Variants in NLRP4 observed in about 807,000 individuals in gnomAD.
NLRP4 encodes the protein NLR family pyrin domain containing 4.
A neutral mutation model predicts 84.7 loss-of-function variants in NLRP4; 44 were observed. The ratio of observed to expected loss-of-function variants is 0.52; its 90% confidence interval spans 0.41 to 0.67. The LOEUF is 0.67. Among genes scored for constraint, NLRP4 ranks in the 30% least tolerant of loss-of-function variants. The pLI is 0.00. For missense variants in NLRP4, 1,260 were observed against 1,219.4 expected (o/e 1.03, Z -0.50); for synonymous variants, 544 against 476.4 (o/e 1.14, Z -1.85).
At chr19:55,881,278 T>C (rs1046641520) in intron 9 of NLRP4, among the ~76,000 whole-genome samples, 192 bp from the exon 10 acceptor site, 4 of 152,136 alleles carry the variant, frequency 2.6e-5, no homozygotes, top group African/African-American at 9.7e-5. Flanking sequence ...ATTGGGACTT[T>C]ATTTATTTTC....
intron 3 of NLRP4, among the ~76,000 whole-genome samples, chr19:55,860,001 T>TTC (rs1555809162): frequency 6.7e-6 from 1 of 148,970 alleles, no homozygotes; most frequent in Non-Finnish European, 1.5e-5. Flanking sequence ...TTTTTTTTTT[T>TTC]CTGAAATGGA....
At chr19:55,862,731 G>C (rs1031510553) in intron 5 of NLRP4, among the ~76,000 whole-genome samples, 10 of 150,840 alleles carry the variant, frequency 6.6e-5, no homozygotes, top group African/African-American at 2.2e-4. Context: ...AGACTATAGC[G>C]TAAGTCTCTG....
rs538756708 is a variant in NLRP4, at chr19:55,836,555, G to T, written c.-445G>T. On this transcript the variant is annotated 5_prime_UTR_variant, in exon 1 of 10. Transcript: ENST00000301295. ...GCCAATCATTAAGGACCAGGAAGGC[G>T]TGGAGCGGTGAGTCAGCGCTTCGTG... 1 of 152,484 alleles carries T rather than the reference G, an allele frequency of 6.6e-6. No individual in the cohort carries two copies. Among genetic ancestry groups the T allele is most frequent in the South Asian group, 2.1e-4 (1 of 4,826 alleles). 9.4% of individuals were successfully genotyped at this position (152,484 alleles called of 1,614,324 possible).
chr19:55,877,961 G>T (rs1600244742), intron 8 of NLRP4, among the ~76,000 whole-genome samples: 1 of 152,138 alleles, frequency 6.6e-6, no homozygotes. Flanking sequence ...AGCATCTCAG[G>T]AGTTCAAGAG....
intron 5 of NLRP4, among the ~76,000 whole-genome samples, chr19:55,865,097 A>C (rs1357867671): frequency 6.6e-6 from 1 of 151,990 alleles, no homozygotes; most frequent in Non-Finnish European, 1.5e-5. Flanking sequence ...GTTAATAAGC[A>C]TAGTACCTGA....
rs768339865 is a variant in NLRP4, at chr19:55,881,535, C to T, written c.2933C>T (p.Pro978Leu). The T allele has an allele frequency of 3.1e-6, 5 of 1,610,632 alleles. No individual in the cohort carries two copies. The highest frequency in any genetic ancestry group is 4.2e-6 in the Non-Finnish European group (5 of 1,176,916). The change falls in exon 10 of 10, where the codon CCT (proline) becomes CTT (leucine). Residue 978 changes from proline to leucine, a missense_variant. By Grantham distance (98) the Pro-to-Leu change is moderately conservative. Transcript: ENST00000301295. ...CTGACGGCTGAGGAAGAGAGAAATC[C>T]TAACCTGACCATCACAGACGACTGT... ...ALLTAEEERN[P>L]NLTITDDCDT...
intron 1 of NLRP4, among the ~76,000 whole-genome samples, chr19:55,845,640 C>A (rs988993587): frequency 5.9e-5 from 9 of 151,904 alleles, no homozygotes; most frequent in African/African-American, 2.2e-4. Context: ...TACAGTCCCA[C>A]CAACAGTGTA....
rs955259156 is a variant in NLRP4 at position 55,848,244 on chromosome 19, G to A, written c.-65-3772G>A. On this transcript the variant is annotated intron_variant, in intron 1 of 9. Transcript: ENST00000301295. ...CTGGGGCTTTGAGGAGGAAGACCAC[G>A]AAGGAAAGGTGCCCTTCCCATCATA... 3.3e-5 allele frequency among the ~76,000 whole-genome samples: 5 copies of A among 152,138 alleles called. No individual in the cohort carries two copies. In the East Asian group the frequency reaches 5.8e-4, roughly 18 times the overall value.
chr19:55,845,371 G>A (rs1011967418), intron 1 of NLRP4, among the ~76,000 whole-genome samples: 7 of 151,458 alleles, frequency 4.6e-5, no homozygotes, highest in Admixed American at 1.3e-4. Flanking sequence ...ATTTTTTATG[G>A]CCGCATAGTA....
chr19:55,842,333 T>C (rs1021022452), intron 1 of NLRP4, among the ~76,000 whole-genome samples: 1 of 152,220 alleles, frequency 6.6e-6, no homozygotes, highest in African/African-American at 2.4e-5. Context: ...ACCTTATCTG[T>C]TCTAGGTTCC....
At chr19:55,839,174 G>A (rs1467349454) in intron 1 of NLRP4, among the ~76,000 whole-genome samples, 14 of 151,792 alleles carry the variant, frequency 9.2e-5, no homozygotes, top group Admixed American at 9.2e-4. Context: ...TCCCCTCCCT[G>A]TGTCCGTTTG....
chr19:55,872,003 A>T (rs1297225646), intron 7 of NLRP4, among the ~76,000 whole-genome samples: 1 of 152,000 alleles, frequency 6.6e-6, no homozygotes, highest in Non-Finnish European at 1.5e-5. Context: ...GCCCGCCACC[A>T]CGCCTGGCTA....
rs901469339 is a variant in NLRP4 at position 55,851,943 on chromosome 19, G to A, written c.-65-73G>A. On this transcript the variant is annotated intron_variant, in intron 1 of 9. Coordinates refer to ENST00000301295, the MANE Select transcript of NLRP4 (RefSeq NM_134444.5). ...CTTCATTGCCATCCCCCCAGTACTA[G>A]CAAGATACTATATAATGGTAATCTT... 4 of 679,538 alleles carry A rather than the reference G, an allele frequency of 5.9e-6. No homozygotes were observed. In the Admixed American group the frequency reaches 8.4e-5, roughly 14 times the overall value. 42.1% of individuals were successfully genotyped at this position (679,538 alleles called of 1,614,324 possible).
At chr19:55,861,963 C>G (rs1303276217) in intron 4 of NLRP4, 29 bp from the exon 5 acceptor site, 1 of 1,564,724 alleles carries the variant, frequency 6.4e-7, no homozygotes, top group Admixed American at 1.7e-5. Flanking sequence ...TTAGATGAAA[C>G]TCATCCAAAA....
At chr19:55,838,410 C>T (rs1983473039) in intron 1 of NLRP4, among the ~76,000 whole-genome samples, 1 of 151,810 alleles carries the variant, frequency 6.6e-6, no homozygotes, top group African/African-American at 2.4e-5. Context: ...GCCAGCAAAC[C>T]ACAGAAGCCA....
At chr19:55,847,249 T>C (rs1479632278) in intron 1 of NLRP4, among the ~76,000 whole-genome samples, 2 of 152,222 alleles carry the variant, frequency 1.3e-5, no homozygotes, top group Non-Finnish European at 2.9e-5. Flanking sequence ...TTATTGACTT[T>C]GCTATTGATC....
chr19:55,859,926 C>CAAAAAAAAAAA (rs1166037425), intron 3 of NLRP4, among the ~76,000 whole-genome samples: 8 of 17,502 alleles, frequency 4.6e-4, no homozygotes, highest in African/African-American at 1.5e-3. Flanking sequence ...CTCTCATCTC[C>CAAAAAAAAAAA]AAAAAAAAAA....
intron 1 of NLRP4, among the ~76,000 whole-genome samples, chr19:55,849,810 AAAGCTGCGGTGTAATTTC>A (rs1983946435): frequency 9.9e-6 from 1 of 101,180 alleles, no homozygotes; most frequent in Non-Finnish European, 1.9e-5. Flanking sequence ...TGTAATTTCC[AAAGCTGCGGTGTAATTTC>A]CGAAGCTGCG....
Position 55,859,231 on chromosome 19 carries a change from A to T in NLRP4, c.1838A>T (p.Glu613Val), listed in dbSNP as rs373366342. The T allele has an allele frequency of 2.5e-6, 4 of 1,603,770 alleles. No homozygotes were observed. Among genetic ancestry groups the T allele is most frequent in the Non-Finnish European group, 2.6e-6 (3 of 1,171,504 alleles). Residue 613 changes from glutamate (E) to valine (V), a missense_variant, in exon 3 of 10, where the codon GAG becomes GTG. This residue lies in a region of NLRP4 where 544 missense variants were observed against 531.7 expected (regional missense o/e 1.02). Coordinates refer to ENST00000301295, the MANE Select transcript of NLRP4 (RefSeq NM_134444.5). ...TCCGTTCAAAATGTCTTTAAGAAAG[A>T]GGATGAACACAGCTCTACGTGAGTC... ...CFSVQNVFKKEDEHSSTSDYS... is the reference protein window; with the variant it reads ...CFSVQNVFKKVDEHSSTSDYS...
Sources: gnomAD v4.1 joint callset for allele counts (sites outside exome capture counted in the v4.1 genomes callset) on GRCh38, gnomAD v4.1.1 for gene constraint, gnomAD v4.1.1 regional missense constraint, MANE v1.5 for transcripts, NCBI Gene and HGNC (gene_info 2026-07-23, HGNC 2026-07-21) for gene names.